The following PRKG1 variants were observed in gnomAD, a reference collection of about 807,000 sequenced individuals.
The protein encoded by PRKG1 is protein kinase cGMP-dependent 1.
Under a neutral mutation model 88.1 loss-of-function variants are expected in PRKG1, and 35 were observed. The ratio of observed to expected loss-of-function variants is 0.40; its 90% CI spans 0.30 to 0.53. The LOEUF is 0.53. Ranked by LOEUF, PRKG1 falls within the 20% of genes least tolerant of loss-of-function variation. The pLI, the probability that PRKG1 is intolerant of heterozygous loss-of-function variation, is 0.59. For synonymous variants in PRKG1, 303 were observed against 292.5 expected (o/e 1.04, Z -0.37); for missense variants, 540 against 839.8 (o/e 0.64, Z 4.41).
intron 2 of PRKG1, among the ~76,000 whole-genome samples, chr10:51,283,940 C>G (rs1293102556): frequency 1.3e-5 from 2 of 152,088 alleles, no homozygotes; most frequent in African/African-American, 4.8e-5. Context: ...GAAGTGAATT[C>G]TTGCTTCTAA....
intron 1 of PRKG1, among the ~76,000 whole-genome samples, chr10:51,093,997 C>A (rs1436768215): frequency 6.6e-6 from 1 of 151,548 alleles, no homozygotes; most frequent in Non-Finnish European, 1.5e-5. Flanking sequence ...GTAAGCTCAC[C>A]TTTGTTGATC....
At chr10:52,258,997 G>T (rs2132412448) in intron 10 of PRKG1, among the ~76,000 whole-genome samples, 1 of 152,016 alleles carries the variant, frequency 6.6e-6, no homozygotes, top group Non-Finnish European at 1.5e-5. Context: ...GCCACATGTT[G>T]TCACAGGACA....
At chr10:51,189,883 G>C (rs959656638) in intron 2 of PRKG1, among the ~76,000 whole-genome samples, 1 of 151,818 alleles carries the variant, frequency 6.6e-6, no homozygotes, top group South Asian at 2.1e-4. Context: ...TGTAAGGGTG[G>C]CCTACTGTGC....
intron 1 of PRKG1, among the ~76,000 whole-genome samples, chr10:51,107,554 A>G (rs1287512323): frequency 6.6e-6 from 1 of 152,016 alleles, no homozygotes; most frequent in Non-Finnish European, 1.5e-5. Flanking sequence ...AAACTGATGA[A>G]CCTCATCTGG....
intron 5 of PRKG1, 111 bp downstream of exon 5, chr10:51,907,681 T>G: frequency 1.0e-6 from 1 of 974,210 alleles, no homozygotes; most frequent in Non-Finnish European, 1.6e-6. Context: ...TTTAAAAAAT[T>G]TCTAAGCTCT....
chr10:51,711,573 T>C lies in PRKG1; in HGVS notation c.593-93012T>C, dbSNP rs550615397. 3.3e-5 allele frequency among the ~76,000 whole-genome samples: 5 copies of C among 152,350 alleles called. No homozygotes were observed. In the East Asian group the frequency reaches 7.7e-4, roughly 23 times the overall value. ...AGAGTTATATTCTTCTAGAAAGAAT[T>C]GCACCATACGAAACTGAAGTTGTCT... On this transcript the variant is annotated intron_variant, in intron 3 of 17. Coordinates refer to ENST00000373980, the MANE Select transcript of PRKG1 (RefSeq NM_006258.4).
At chr10:51,550,768 A>G (rs1192616987) in intron 3 of PRKG1, among the ~76,000 whole-genome samples, 1 of 152,070 alleles carries the variant, frequency 6.6e-6, no homozygotes, top group South Asian at 2.1e-4. Flanking sequence ...ACTGATAGAT[A>G]TTTGCCACAT....
chr10:51,568,937 G>A (rs1837678195), intron 3 of PRKG1: 1 of 152,066 alleles, frequency 6.6e-6, no homozygotes, highest in Admixed American at 6.6e-5. Flanking sequence ...GGATAGGGAG[G>A]TAGTGATGCT....
intron 10 of PRKG1, among the ~76,000 whole-genome samples, chr10:52,258,924 G>T (rs1841368733): frequency 6.6e-6 from 1 of 151,994 alleles, no homozygotes; most frequent in Non-Finnish European, 1.5e-5. Context: ...GGATTTAAAT[G>T]AACAGATGGG....
At chr10:51,628,102 C>CT (rs1355472448) in intron 3 of PRKG1, among the ~76,000 whole-genome samples, 2 of 140,882 alleles carry the variant, frequency 1.4e-5, no homozygotes, top group African/African-American at 5.3e-5. Context: ...CCTTCCCTTT[C>CT]TTTCTTTCCT....
At chr10:51,925,356 T>A (rs921385714) in intron 5 of PRKG1, among the ~76,000 whole-genome samples, 9 of 152,254 alleles carry the variant, frequency 5.9e-5, no homozygotes, top group African/African-American at 2.2e-4. Flanking sequence ...TTCTGAGGCT[T>A]ATAGTCCTAT....
At position 51,100,685 on chromosome 10, in the gene PRKG1, C is replaced by G. The variant is rs1055607116; in HGVS notation, c.311+25784C>G. On this transcript the variant is annotated intron_variant, in intron 1 of 17. Coordinates refer to ENST00000373980, the MANE Select transcript of PRKG1 (RefSeq NM_006258.4). ...CTTACAGGTAAGAAGCCTTTCAAACCTTTGGTATTAGGACCCAAGTAACTG... is the reference window on the plus strand; with the variant it reads ...CTTACAGGTAAGAAGCCTTTCAAACGTTTGGTATTAGGACCCAAGTAACTG... Among the ~76,000 whole-genome samples, 3 of 152,142 alleles carry G rather than the reference C, an allele frequency of 2.0e-5. No homozygotes were observed. The South Asian group carries it at 6.2e-4, about 31-fold the overall frequency.
chr10:51,799,942 A>C (rs1462298711), intron 3 of PRKG1, among the ~76,000 whole-genome samples: 1 of 152,134 alleles, frequency 6.6e-6, no homozygotes, highest in Non-Finnish European at 1.5e-5. Flanking sequence ...ATTTATATTG[A>C]AATACTGTGA....
At chr10:51,397,834 CTTTGGCA>C (rs1443516053) in intron 2 of PRKG1, among the ~76,000 whole-genome samples, 1 of 152,212 alleles carries the variant, frequency 6.6e-6, no homozygotes, top group Non-Finnish European at 1.5e-5. Context: ...ACCAGCTGTA[CTTTGGCA>C]GGGCTTGCTA....
intron 7 of PRKG1, among the ~76,000 whole-genome samples, chr10:52,120,615 C>T (rs966554548): frequency 1.3e-5 from 2 of 152,166 alleles, no homozygotes; most frequent in Admixed American, 6.5e-5. Flanking sequence ...AAGCCCAAAA[C>T]CCAGTGGGGC....
At chr10:51,537,716 A>G (rs1842192180) in intron 3 of PRKG1, among the ~76,000 whole-genome samples, 2 of 131,608 alleles carry the variant, frequency 1.5e-5, no homozygotes, top group South Asian at 5.5e-4. Flanking sequence ...TGACAGAGCA[A>G]GAGTCTGTCT....
intron 3 of PRKG1, among the ~76,000 whole-genome samples, chr10:51,668,568 AC>A (rs1364047761): frequency 6.6e-6 from 1 of 152,148 alleles, no homozygotes; most frequent in Non-Finnish European, 1.5e-5. Flanking sequence ...AGTAATATGT[AC>A]CCTATGGTGA....
At chr10:51,833,297 G>A (rs1370484633) in intron 4 of PRKG1, among the ~76,000 whole-genome samples, 1 of 152,114 alleles carries the variant, frequency 6.6e-6, no homozygotes, top group African/African-American at 2.4e-5. Flanking sequence ...GTTCTCAGTA[G>A]CTAGGCGTTT....
In PRKG1 at chr10:52,290,221, T is replaced by C; in HGVS notation, c.1896-3T>C. 1 of 1,612,430 alleles carries C rather than the reference T, an allele frequency of 6.2e-7. No individual in the cohort carries two copies. Among genetic ancestry groups the C allele is most frequent in the Non-Finnish European group, 8.5e-7 (1 of 1,179,106 alleles). ...TTTTTATCAACGTTTTTTCCTTTTC[T>C]AGATGGTTTGAGGGCTTTAACTGGG... On this transcript the variant is annotated splice_region_variant and splice_polypyrimidine_tract_variant and intron_variant, in intron 16 of 17. Transcript: ENST00000373980.
Sources: gnomAD v4.1 joint callset for allele counts (sites outside exome capture counted in the v4.1 genomes callset) on GRCh38, gnomAD v4.1.1 for gene constraint, MANE v1.5 for transcripts, NCBI Gene and HGNC (gene_info 2026-07-23, HGNC 2026-07-21) for gene names.